The following NR1H4 variants were observed in gnomAD, a reference collection of about 807,000 sequenced individuals.
The protein encoded by NR1H4 is nuclear receptor subfamily 1 group H member 4.
NR1H4 carries 23 observed loss-of-function variants against 58.5 expected under a neutral mutation model. The observed-to-expected ratio is 0.39, with a 90% CI of 0.28 to 0.56. The LOEUF (loss-of-function observed/expected upper bound fraction) is 0.56. Among genes scored for constraint, NR1H4 ranks in the 20% least tolerant of loss-of-function variants. The pLI, the probability that NR1H4 is intolerant of heterozygous loss-of-function variation, is 0.58. For missense variants in NR1H4, 487 were observed against 576.9 expected, an observed-to-expected ratio of 0.84 and a Z score of 1.60; for synonymous variants, 214 against 198.0, an observed-to-expected ratio of 1.08 and a Z score of -0.68.
chr12:100,498,722 A>G (rs1186802135), intron 3 of NR1H4, among the ~76,000 whole-genome samples: 2 of 152,156 alleles, frequency 1.3e-5, no homozygotes, highest in African/African-American at 4.8e-5. Context: ...CATTGCTAAC[A>G]ACAGCTTTGG....
intron 3 of NR1H4, among the ~76,000 whole-genome samples, chr12:100,499,637 C>T (rs936427957): frequency 2.6e-5 from 4 of 152,176 alleles, no homozygotes; most frequent in Non-Finnish European, 5.9e-5. Context: ...TAGGCGATTC[C>T]ACTGCAGTCT....
chr12:100,559,247 G>C (rs758395660), intron 9 of NR1H4, among the ~76,000 whole-genome samples: 1 of 152,164 alleles, frequency 6.6e-6, no homozygotes, highest in Admixed American at 6.5e-5. Flanking sequence ...GCTTGCTCTC[G>C]GCACCTCCTC....
intron 1 of NR1H4, among the ~76,000 whole-genome samples, chr12:100,476,986 A>C (rs1953284936): frequency 6.6e-6 from 1 of 152,222 alleles, no homozygotes; most frequent in African/African-American, 2.4e-5. Flanking sequence ...GCTAAAAGGC[A>C]TCACCATACG....
At chr12:100,506,323 A>G (rs2136140585) in intron 3 of NR1H4, among the ~76,000 whole-genome samples, 1 of 152,272 alleles carries the variant, frequency 6.6e-6, no homozygotes. Context: ...GAAATAGGAA[A>G]AGCTTAGCCA....
At chr12:100,532,311 A>G in intron 4 of NR1H4, 147 bp from the exon 5 acceptor site, 1 of 667,616 alleles carries the variant, frequency 1.5e-6, no homozygotes, top group Non-Finnish European at 2.7e-6. Context: ...TGTCACATAA[A>G]GTATTTGTCA....
At position 100,510,924 on chromosome 12, in the gene NR1H4, C is replaced by A. The variant is rs761157294; in HGVS notation, c.226C>A (p.Gln76Lys). Residue 76 changes from glutamine (Q) to lysine (K), a missense_variant, in exon 4 of 11, where the codon CAG becomes AAG. Coordinates refer to ENST00000392986, the MANE Select transcript of NR1H4 (RefSeq NM_001206979.2). ...YYSNLGFYPQ[Q>K]PEEWYSPGIY... Reference sequence around the variant, plus strand: ...TTCCAACCTGGGTTTCTACCCCCAGCAGCCTGAAGAGTGGTACTCTCCTGG... The same window carrying A: ...TTCCAACCTGGGTTTCTACCCCCAGAAGCCTGAAGAGTGGTACTCTCCTGG... 1 of 1,614,210 alleles carries A rather than the reference C, an allele frequency of 6.2e-7. No individual in the cohort carries two copies. The highest frequency in any genetic ancestry group is 8.5e-7 in the Non-Finnish European group (1 of 1,180,038).
intron 4 of NR1H4, among the ~76,000 whole-genome samples, chr12:100,524,021 G>A (rs1484769501): frequency 6.6e-6 from 1 of 151,986 alleles, no homozygotes; most frequent in Non-Finnish European, 1.5e-5. Context: ...AAAATGCAAT[G>A]GTAATAAAAT....
At chr12:100,511,177 G>T (rs767423769) in intron 4 of NR1H4, 34 bp downstream of exon 4, 1 of 1,614,032 alleles carries the variant, frequency 6.2e-7, no homozygotes, top group Non-Finnish European at 8.5e-7. Context: ...TTCTCCTTCA[G>T]GTTTTACTAT....
intron 3 of NR1H4, 91 bp downstream of exon 3, chr12:100,493,493 G>A: frequency 1.4e-6 from 1 of 715,360 alleles, no homozygotes; most frequent in Non-Finnish European, 2.5e-6. Context: ...TCCAGCCCAG[G>A]GTCAAGAACA....
In NR1H4 at chr12:100,528,733, G is replaced by A. The variant is rs1262595694; in HGVS notation, c.446-3725G>A. ...TATTGTGTTGCTATTCAGAGTGAAA[G>A]CTAATTAATTCAGCTATTGAGATGA... On this transcript the variant is annotated intron_variant, in intron 4 of 10. Transcript: ENST00000392986. Among the ~76,000 whole-genome samples the A allele has an allele frequency of 2.0e-5, 3 of 152,198 alleles. No homozygotes were observed. In the East Asian group the frequency reaches 5.8e-4, roughly 29 times the overall value.
At chr12:100,524,417 C>T (rs942202979) in intron 4 of NR1H4, among the ~76,000 whole-genome samples, 4 of 152,108 alleles carry the variant, frequency 2.6e-5, no homozygotes, top group African/African-American at 9.7e-5. Context: ...GACCAGGTGC[C>T]GGTCACTGTG....
At chr12:100,556,505 T>C (rs1407334581) in intron 9 of NR1H4, among the ~76,000 whole-genome samples, 1 of 152,000 alleles carries the variant, frequency 6.6e-6, no homozygotes, top group Admixed American at 6.6e-5. Flanking sequence ...ACAACTCTCT[T>C]TTAAAGTACA....
intron 9 of NR1H4, among the ~76,000 whole-genome samples, chr12:100,547,172 A>G (rs1298232184): frequency 3.3e-5 from 5 of 152,306 alleles, no homozygotes; most frequent in Admixed American, 1.3e-4. Flanking sequence ...AGAACATGCC[A>G]TAGGAGTTGG....
intron 9 of NR1H4, among the ~76,000 whole-genome samples, chr12:100,549,662 AG>A (rs1160839021): frequency 6.6e-6 from 1 of 152,172 alleles, no homozygotes; most frequent in Non-Finnish European, 1.5e-5. Context: ...TAAAGAATGA[AG>A]TTTTCCAGAA....
intron 9 of NR1H4, among the ~76,000 whole-genome samples, 166 bp downstream of exon 9, chr12:100,540,984 G>T (rs1424733196): frequency 6.6e-6 from 1 of 152,154 alleles, no homozygotes; most frequent in African/African-American, 2.4e-5. Context: ...GACTTCTAGA[G>T]GCTTGGTTCA....
intron 1 of NR1H4, among the ~76,000 whole-genome samples, chr12:100,480,598 T>C (rs1953358056): frequency 6.6e-6 from 1 of 152,196 alleles, no homozygotes; most frequent in South Asian, 2.1e-4. Context: ...ACTGCCCTTC[T>C]AGCCTCAGAT....
At chr12:100,524,562 G>T (rs1954508790) in intron 4 of NR1H4, among the ~76,000 whole-genome samples, 1 of 152,158 alleles carries the variant, frequency 6.6e-6, no homozygotes. Context: ...AACCCAGTAG[G>T]TCTGATGGTG....
chr12:100,520,637 C>T (rs1433717539), intron 4 of NR1H4, among the ~76,000 whole-genome samples: 1 of 152,156 alleles, frequency 6.6e-6, no homozygotes, highest in Non-Finnish European at 1.5e-5. Flanking sequence ...ATACCCTGTC[C>T]CCTGCCTTTC....
At chr12:100,506,477 G>A (rs1953968192) in intron 3 of NR1H4, among the ~76,000 whole-genome samples, 1 of 152,118 alleles carries the variant, frequency 6.6e-6, no homozygotes, top group Admixed American at 6.6e-5. Context: ...ACTATGAAAT[G>A]CTAGAAGTGA....
Sources: gnomAD v4.1 joint callset for allele counts (sites outside exome capture counted in the v4.1 genomes callset) on GRCh38, gnomAD v4.1.1 for gene constraint, MANE v1.5 for transcripts, NCBI Gene and HGNC (gene_info 2026-07-23, HGNC 2026-07-21) for gene names.